Variants in NUP62 observed in about 807,000 individuals in gnomAD.
NUP62 encodes the protein nuclear pore glycoprotein p62.
For synonymous variants in NUP62, 305 were observed against 303.4 expected (o/e 1.01, Z -0.05); for missense variants, 647 against 689.4 (o/e 0.94, Z 0.69).
intron 2 of NUP62, among the ~76,000 whole-genome samples, chr19:49,917,231 C>A (rs187146347): frequency 6.6e-6 from 1 of 152,214 alleles, no homozygotes; most frequent in Non-Finnish European, 1.5e-5. Context: ...CCTGCTGAGG[C>A]TCAGACGCCG....
chr19:49,923,195 C>A (rs79313658), intron 2 of NUP62, among the ~76,000 whole-genome samples: 1 of 152,164 alleles, frequency 6.6e-6, no homozygotes, highest in Non-Finnish European at 1.5e-5. Context: ...TCCCAGCCCC[C>A]GCGTCATCCT....
chr19:49,913,315 C>T (rs2075527805), intron 2 of NUP62, among the ~76,000 whole-genome samples: 1 of 152,202 alleles, frequency 6.6e-6, no homozygotes, highest in Non-Finnish European at 1.5e-5. Flanking sequence ...GGCCCTTGAC[C>T]AGCTCCAGGA....
At chr19:49,912,570 CAGTTT>C (rs2122636396) in intron 2 of NUP62, among the ~76,000 whole-genome samples, 1 of 152,204 alleles carries the variant, frequency 6.6e-6, no homozygotes, top group South Asian at 2.1e-4. Context: ...CTGATCCACG[CAGTTT>C]AGATATGGCC....
rs754842995 is a variant in NUP62 at position 49,908,782 on chromosome 19, C to T, written c.1026G>A (p.Leu342=). The T allele has an allele frequency of 6.2e-7, 1 of 1,613,790 alleles. No individual in the cohort carries two copies. The highest frequency in any genetic ancestry group is 8.5e-7 in the Non-Finnish European group (1 of 1,180,032). ...AGTGCCGCTCCTGGTCCTCTAGCTC[C>T]AGGCTCCATTTGTTGATCAGGCTCT... ...QLESLINKWS[L]ELEDQERHFL... is the part of the protein sequence containing the mutation. The change falls in exon 3 of 3, where the codon CTG becomes CTA. Residue 342 remains leucine (L), a synonymous_variant. Transcript: ENST00000352066.
rs144871187 is a variant in NUP62 at position 49,908,521 on chromosome 19, C to T, written c.1287G>A (p.Glu429=). ...GTIYLQHADE[E]REKTYKLAEN... ...CAGCCAGCTTGTAGGTTTTCTCACG[C>T]TCCTCATCCGCGTGCTGCAGGTAGA... is the stretch of plus-strand genomic sequence containing the variant. The change falls in exon 3 of 3, where the codon GAG becomes GAA. Residue 429 remains glutamate, a synonymous_variant. Transcript: ENST00000352066. The T allele has an allele frequency of 1.2e-6, 2 of 1,614,060 alleles. No individual in the cohort carries two copies. Among genetic ancestry groups the T allele is most frequent in the African/African-American group, 1.3e-5 (1 of 74,950 alleles).
chr19:49,914,647 T>G (rs2075571601), intron 2 of NUP62, among the ~76,000 whole-genome samples: 1 of 151,520 alleles, frequency 6.6e-6, no homozygotes. Context: ...AGAACCAGGG[T>G]TCTTTGCTGT....
chr19:49,908,620 G>A lies in NUP62; in HGVS notation c.1188C>T (p.Ile396=), dbSNP rs2075377177. The A allele has an allele frequency of 1.9e-6, 3 of 1,613,630 alleles. No individual in the cohort carries two copies. The East Asian group carries it at 6.7e-5, about 36-fold the overall frequency. ...QKRLDQELDF[I]LSQQKELEDL... ...CTTCCAGCTCCTTCTGCTGGGACAG[G>A]ATGAAGTCGAGCTCCTGGTCCAGCC... Residue 396 remains isoleucine (I), a synonymous_variant, in exon 3 of 3, where the codon ATC becomes ATT. Coordinates refer to ENST00000352066, the MANE Select transcript of NUP62 (RefSeq NM_016553.5).
At chr19:49,909,951 GCA>G (rs920565210) in intron 2 of NUP62, 67 bp from the exon 3 acceptor site, 14 of 828,088 alleles carry the variant, frequency 1.7e-5, no homozygotes, top group African/African-American at 8.4e-5. Context: ...GCATGACTGG[GCA>G]CAGTCGGTTT....
chr19:49,908,970 T>G lies in NUP62; in HGVS notation c.838A>C (p.Thr280Pro), dbSNP rs778299454. Reference sequence around the variant, plus strand: ...GTGGTGCTGCTGCTGCTGGTGGTGGTGGCGGTGGCGGTGGCAGCGGTGGAT... The same window carrying G: ...GTGGTGCTGCTGCTGCTGGTGGTGGGGGCGGTGGCGGTGGCAGCGGTGGAT... The part of the protein sequence containing the change: ...TTSTAATATA[T>P]TTSSSSTTGF... Residue 280 changes from threonine to proline, a missense_variant, in exon 3 of 3, where the codon ACC (threonine) becomes CCC (proline). Coordinates refer to ENST00000352066, the MANE Select transcript of NUP62 (RefSeq NM_016553.5). The G allele has an allele frequency of 1.5e-5, 24 of 1,608,118 alleles. No individual in the cohort carries two copies. The Admixed American group carries it at 3.0e-4, about 20-fold the overall frequency.
Position 49,924,536 on chromosome 19 carries a change from C to T in NUP62, c.-78+3158G>A, listed in dbSNP as rs980427609. 1.4e-4 allele frequency among the ~76,000 whole-genome samples: 22 copies of T among 152,158 alleles called. 1 individual carries two copies. Among genetic ancestry groups the T allele is most frequent in the African/African-American group, 2.4e-5 (1 of 41,440 alleles). ...CTCCCCAAGCCAGGCCCCTCCGCAC[C>T]GAAAAAGAGTCCCCAGTAGCCCCAC... On this transcript the variant is annotated intron_variant, in intron 2 of 2. Transcript: ENST00000352066.
At chr19:49,912,685 G>A (rs536625805) in intron 2 of NUP62, among the ~76,000 whole-genome samples, 2 of 152,224 alleles carry the variant, frequency 1.3e-5, no homozygotes, top group East Asian at 1.9e-4. Flanking sequence ...CCAACATAGC[G>A]AGATGCTGTC....
rs1399353909 is a variant in NUP62 at position 49,927,795 on chromosome 19, T to C, written c.-179A>G. 6.6e-6 allele frequency: 1 copy of C among 152,202 alleles called. No homozygotes were observed. The highest frequency in any genetic ancestry group is 2.4e-5 in the African/African-American group (1 of 41,412). The allele number at this position is 152,202 out of a possible 1,614,324, so 9.4% of individuals were successfully genotyped here. The stretch of plus-strand genomic sequence containing the variant: ...GAACTCCAGCTGGGATGTCCTGATG[T>C]GGATGGGACAAGGTGGGTTTCTGCA... On this transcript the variant is annotated 5_prime_UTR_variant, in exon 2 of 3. Coordinates refer to ENST00000352066, the MANE Select transcript of NUP62 (RefSeq NM_016553.5).
intron 2 of NUP62, chr19:49,918,501 G>C (rs910523138): frequency 4.6e-5 from 7 of 152,250 alleles, no homozygotes; most frequent in African/African-American, 1.4e-4. Context: ...GGAAGGGACA[G>C]GGATACCTGT....
At chr19:49,911,070 A>C (rs1330035015) in intron 2 of NUP62, 3 of 152,134 alleles carry the variant, frequency 2.0e-5, no homozygotes, top group Non-Finnish European at 2.9e-5. Flanking sequence ...ATGCGTGGAT[A>C]ATCTTTTTTA....
At chr19:49,912,328 C>T (rs1021968215) in intron 2 of NUP62, among the ~76,000 whole-genome samples, 1 of 152,200 alleles carries the variant, frequency 6.6e-6, no homozygotes, top group African/African-American at 2.4e-5. Flanking sequence ...GCCACCACGC[C>T]CGGCTAATTT....
chr19:49,907,513 T>C lies in NUP62; in HGVS notation c.*726A>G, dbSNP rs1012690905. On this transcript the variant is annotated 3_prime_UTR_variant, in exon 3 of 3. Transcript: ENST00000352066. ...CAAGCACAAGCTCACACTCGAAAAC[T>C]AGGCTGCTGTCTCCTGGGAGTTTCT... 1 of 438,780 alleles carries C rather than the reference T, an allele frequency of 2.3e-6. No homozygotes were observed. The highest frequency in any genetic ancestry group is 4.5e-6 in the Non-Finnish European group (1 of 222,750). The allele number at this position is 438,780 out of a possible 1,614,324, so 27.2% of individuals were successfully genotyped here.
At chr19:49,924,500 C>G (rs1030409436) in intron 2 of NUP62, among the ~76,000 whole-genome samples, 4 of 152,178 alleles carry the variant, frequency 2.6e-5, no homozygotes, top group Admixed American at 1.3e-4. Flanking sequence ...CTGCCTGCAA[C>G]CACCGCCTCA....
rs746610162 is a variant in NUP62 at position 49,907,543 on chromosome 19, T to C, written c.*696A>G. On this transcript the variant is annotated 3_prime_UTR_variant, in exon 3 of 3. Coordinates refer to ENST00000352066, the MANE Select transcript of NUP62 (RefSeq NM_016553.5). ...TGCTGTCTCCTGGGAGTTTCTTTTTTTTTTTTTTTTTTTTTGAGACAGAGT... is the reference window on the plus strand; with the variant it reads ...TGCTGTCTCCTGGGAGTTTCTTTTTCTTTTTTTTTTTTTTTGAGACAGAGT... The C allele has an allele frequency of 5.0e-3, 1,907 of 379,944 alleles. 40 individuals carry two copies. The highest frequency in any genetic ancestry group is 0.039 in the African/African-American group (1,739 of 44,564). The allele number at this position is 379,944 out of a possible 1,614,324, so 23.5% of individuals were successfully genotyped here. A position where few individuals can be genotyped will look rare whatever the true frequency, so the allele number is the denominator to read the frequency against.
chr19:49,926,755 A>C (rs2075900995), intron 2 of NUP62, among the ~76,000 whole-genome samples: 1 of 152,114 alleles, frequency 6.6e-6, no homozygotes, highest in African/African-American at 2.4e-5. Flanking sequence ...CAATAACAAT[A>C]ACCACTTTTA....
Sources: allele counts gnomAD v4.1 joint callset (sites outside exome capture counted in the v4.1 genomes callset), GRCh38; gene constraint gnomAD v4.1.1; transcripts MANE v1.5; gene names NCBI Gene and HGNC (gene_info 2026-07-23, HGNC 2026-07-21).